The following CLSTN3 variants were observed in gnomAD, a reference collection of about 807,000 sequenced individuals.
CLSTN3 encodes calsyntenin 3.
Under a neutral mutation model 95.9 loss-of-function variants are expected in CLSTN3, and 36 were observed. The ratio of observed to expected loss-of-function variants is 0.38; its 90% CI spans 0.29 to 0.50. The LOEUF (loss-of-function observed/expected upper bound fraction) is 0.50, where lower values mean the gene tolerates loss of function less well. CLSTN3 is among the 20% of genes least tolerant of loss of function. The probability of loss-of-function intolerance (pLI) is 0.95; values close to 1 mark genes in which losing one functional copy is unlikely to be tolerated. For missense variants in CLSTN3, 1,084 were observed against 1,268.8 expected (o/e 0.85, Z 2.21); for synonymous variants, 481 against 504.0 (o/e 0.95, Z 0.61).
In CLSTN3 at chr12:7,142,079, T is replaced by TC; in HGVS notation, c.1487-3dup. On this transcript the variant is annotated splice_polypyrimidine_tract_variant and splice_region_variant and intron_variant, in intron 9 of 17. Transcript: ENST00000266546. ...CAGCACTGTTTTTTTTTTTTTTTTA[T>TC]CCCCAGAGGAGAAGAACAAAGAGAA... 6.5e-7 allele frequency: 1 copy of TC among 1,527,046 alleles called. No homozygotes were observed. Among genetic ancestry groups the TC allele is most frequent in the Non-Finnish European group, 8.9e-7 (1 of 1,128,890 alleles). 94.6% of individuals were successfully genotyped at this position (1,527,046 alleles called of 1,614,324 possible).
chr12:7,132,622 C>T (rs1939326225), intron 1 of CLSTN3: 2 of 458,122 alleles, frequency 4.4e-6, no homozygotes, highest in African/African-American at 3.9e-5. Context: ...TGCCCTTAAT[C>T]TATCCCTTCC....
At position 7,136,987 on chromosome 12, in the gene CLSTN3, G is replaced by C. The variant is rs776274636; in HGVS notation, c.1087G>C (p.Gly363Arg). The C allele has an allele frequency of 1.8e-5, 29 of 1,614,170 alleles. 1 individual carries two copies. In the South Asian group the frequency reaches 2.7e-4, roughly 15 times the overall value. ...QVPLGGPSGL[G>R]SGPQDSLSDH... Reference sequence around the variant, plus strand: ...GCCCCTGGGTGGCCCCAGTGGGCTGGGCTCTGGGCCCCAGGACAGCCTCAG... The same window carrying C: ...GCCCCTGGGTGGCCCCAGTGGGCTGCGCTCTGGGCCCCAGGACAGCCTCAG... The change falls in exon 7 of 18, where the codon GGC (glycine) becomes CGC (arginine). Residue 363 changes from glycine (G) to arginine (R), a missense_variant. Coordinates refer to ENST00000266546, the MANE Select transcript of CLSTN3 (RefSeq NM_014718.4).
intron 4 of CLSTN3, 24 bp from the exon 5 acceptor site, chr12:7,135,780 T>C (rs774688332): frequency 6.3e-7 from 1 of 1,584,072 alleles, no homozygotes; most frequent in Admixed American, 1.8e-5. Flanking sequence ...GCTCTAATGC[T>C]CTGTCCTCCT....
Position 7,130,667 on chromosome 12 carries a change from C to A in CLSTN3, c.19C>A (p.Pro7Thr). 1 of 1,573,522 alleles carries A rather than the reference C, an allele frequency of 6.4e-7. No homozygotes were observed. The highest frequency in any genetic ancestry group is 1.3e-5 in the African/African-American group (1 of 74,310). MTLLLLPLLLASLLASC... is the reference protein window; with the variant it reads MTLLLLTLLLASLLASC... ...CCGCACCATGACCCTCCTGCTGCTG[C>A]CCCTTCTGCTGGCCTCTCTGCTCGC... is the stretch of plus-strand genomic sequence containing the variant. Residue 7 changes from proline (P) to threonine (T), a missense_variant, in exon 1 of 18, where the codon CCC becomes ACC. By Grantham distance (38) the Pro-to-Thr change is conservative. Transcript: ENST00000266546.
At position 7,137,799 on chromosome 12, in the gene CLSTN3, A is replaced by T. The variant is rs113575898; in HGVS notation, c.1211-156A>T. The stretch of plus-strand genomic sequence containing the variant: ...GTGTGTGTGTGTGTGTGTGTGTGAG[A>T]GAGAGAGAGAGAGAGAGAGAGAGGA... On this transcript the variant is annotated intron_variant, in intron 7 of 17. Coordinates refer to ENST00000266546, the MANE Select transcript of CLSTN3 (RefSeq NM_014718.4). The surrounding 1 kb of genome is among the most constrained non-coding windows in gnomAD (Gnocchi z 4.4). Among the ~76,000 whole-genome samples the T allele has an allele frequency of 0.08, 5,782 of 72,012 alleles. 159 individuals carry two copies. Among genetic ancestry groups the T allele is most frequent in the East Asian group, 0.25 (606 of 2,452 alleles). 47.2% of individuals were successfully genotyped at this position (72,012 alleles called of 152,430 possible).
chr12:7,147,133 C>G (rs1445069303), intron 12 of CLSTN3, among the ~76,000 whole-genome samples: 1 of 152,110 alleles, frequency 6.6e-6, no homozygotes, highest in African/African-American at 2.4e-5. Flanking sequence ...TCCTGGATCA[C>G]TAACTCCACC....
Position 7,130,867 on chromosome 12 carries a change from C to A in CLSTN3, c.64+155C>A, listed in dbSNP as rs751968275. The A allele has an allele frequency of 2.2e-5, 15 of 685,248 alleles. No homozygotes were observed. In the South Asian group the frequency reaches 2.5e-4, roughly 11 times the overall value. The allele number at this position is 685,248 out of a possible 1,614,324, so 42.4% of individuals were successfully genotyped here. ...TTCCCATCCGTTCTCAGACCTGCTC[C>A]GTCTCCTCTCTTTCTCTTCCCCCAG... On this transcript the variant is annotated intron_variant, in intron 1 of 17. Transcript: ENST00000266546.
chr12:7,132,357 A>G (rs1939322201), intron 1 of CLSTN3: 1 of 215,736 alleles, frequency 4.6e-6, no homozygotes. Context: ...ATCCCTTAGG[A>G]TGACGGCTCT....
rs1376059653 is a variant in CLSTN3, at chr12:7,157,244, C to G, written c.2528-245C>G. 6.6e-6 allele frequency among the ~76,000 whole-genome samples: 1 copy of G among 152,172 alleles called. No homozygotes were observed. The highest frequency in any genetic ancestry group is 2.4e-5 in the African/African-American group (1 of 41,424). ...TCCTCTGCCCTTGCCTCTCTGTACA[C>G]CTGCCTCCCTCTGTGTTTGTTCCTT... is the stretch of plus-strand genomic sequence containing the variant. On this transcript the variant is annotated intron_variant, in intron 16 of 17. Coordinates refer to ENST00000266546, the MANE Select transcript of CLSTN3 (RefSeq NM_014718.4). This position sits in a 1 kb window ranked among gnomAD's most constrained non-coding sequence, Gnocchi z 5.9.
At chr12:7,144,823 G>C (rs10845617) in intron 12 of CLSTN3, among the ~76,000 whole-genome samples, 3 of 151,478 alleles carry the variant, frequency 2.0e-5, no homozygotes, top group Admixed American at 1.3e-4. Context: ...CTCACAGTTA[G>C]AGCTGTGGAA....
chr12:7,146,584 G>A (rs1396912208), intron 12 of CLSTN3, among the ~76,000 whole-genome samples: 4 of 152,010 alleles, frequency 2.6e-5, no homozygotes, highest in South Asian at 4.1e-4. Flanking sequence ...TTCTCTGATC[G>A]TTCCTACCTT....
At chr12:7,144,263 G>A (rs1418786576) in intron 12 of CLSTN3, among the ~76,000 whole-genome samples, 1 of 148,460 alleles carries the variant, frequency 6.7e-6, no homozygotes, top group South Asian at 2.1e-4. Flanking sequence ...AAAGTTTACT[G>A]ACCTCTGAAT....
chr12:7,154,053 GCTT>G (rs908259830), intron 16 of CLSTN3, among the ~76,000 whole-genome samples: 2 of 152,174 alleles, frequency 1.3e-5, no homozygotes, highest in Non-Finnish European at 2.9e-5. Context: ...GTTTTCCTTT[GCTT>G]CTTCTCTTAT....
intron 12 of CLSTN3, 94 bp from the exon 13 acceptor site, chr12:7,148,878 A>T: frequency 9.7e-7 from 1 of 1,027,934 alleles, no homozygotes; most frequent in Admixed American, 2.0e-5. Flanking sequence ...ATGCTCTATG[A>T]TAGAGGTAGC....
At chr12:7,151,915 A>G (rs1045909675) in intron 16 of CLSTN3, among the ~76,000 whole-genome samples, 1 of 152,016 alleles carries the variant, frequency 6.6e-6, no homozygotes, top group Non-Finnish European at 1.5e-5. Context: ...TTAGCTGGGC[A>G]TGGTGGCAGG....
chr12:7,144,064 TA>T (rs1939581776), intron 12 of CLSTN3, among the ~76,000 whole-genome samples: 1 of 151,856 alleles, frequency 6.6e-6, no homozygotes, highest in Non-Finnish European at 1.5e-5. Context: ...CTGTCTCTAC[TA>T]AAAATACAAA....
At chr12:7,143,903 A>G (rs1489825364) in intron 12 of CLSTN3, among the ~76,000 whole-genome samples, 2 of 152,178 alleles carry the variant, frequency 1.3e-5, no homozygotes, top group South Asian at 2.1e-4. Context: ...CAAAGATCAT[A>G]TGGCCCCCTC....
Position 7,157,796 on chromosome 12 carries a change from C to T in CLSTN3, c.2730+105C>T, listed in dbSNP as rs1182105945. 1 of 1,489,758 alleles carries T rather than the reference C, an allele frequency of 6.7e-7. No homozygotes were observed. The highest frequency in any genetic ancestry group is 1.3e-5 in the South Asian group (1 of 79,354). 92.3% of individuals were successfully genotyped at this position (1,489,758 alleles called of 1,614,324 possible). ...GCCTGGGTGGAGGCTGTTCGCAGAGCTGCAGTGAGCCGGAGGGAGAGAGGT... is the reference window on the plus strand; with the variant it reads ...GCCTGGGTGGAGGCTGTTCGCAGAGTTGCAGTGAGCCGGAGGGAGAGAGGT... On this transcript the variant is annotated intron_variant, in intron 17 of 17. Coordinates refer to ENST00000266546, the MANE Select transcript of CLSTN3 (RefSeq NM_014718.4). The surrounding 1 kb of genome is among the most constrained non-coding windows in gnomAD (Gnocchi z 5.9).
chr12:7,147,703 C>T (rs369410267), intron 12 of CLSTN3, among the ~76,000 whole-genome samples: 2 of 151,484 alleles, frequency 1.3e-5, no homozygotes, highest in South Asian at 2.1e-4. Context: ...TTTGTAGAGA[C>T]GGGGTTTCAC....
Sources: gnomAD v4.1 joint callset for allele counts (sites outside exome capture counted in the v4.1 genomes callset) on GRCh38, gnomAD v4.1.1 for gene constraint, Gnocchi (gnomAD v3.1) non-coding constraint, MANE v1.5 for transcripts, NCBI Gene and HGNC (gene_info 2026-07-23, HGNC 2026-07-21) for gene names.